CHD2: variants seen among roughly 807,000 people sequenced by gnomAD.
CHD2 encodes ATP-dependent chromatin remodeler CHD2.
Under a neutral mutation model 243.9 loss-of-function variants are expected in CHD2, and 28 were observed. That is an observed-to-expected ratio of 0.11 (90% confidence interval 0.09 to 0.16). CHD2 has a LOEUF of 0.16. Ranked by LOEUF, CHD2 falls within the 10% of genes least tolerant of loss-of-function variation. The pLI, the probability that CHD2 is intolerant of heterozygous loss-of-function variation, is 1.00. For missense variants in CHD2, 1,386 were observed against 2,209.8 expected (o/e 0.63, Z 7.47); for synonymous variants, 775 against 779.0 (o/e 0.99, Z 0.09).
At chr15:92,949,804 A>G (rs2053528336) in intron 13 of CHD2, among the ~76,000 whole-genome samples, 1 of 152,180 alleles carries the variant, frequency 6.6e-6, no homozygotes, top group Admixed American at 6.5e-5. Context: ...CAGCAAGGCA[A>G]TTTTACTTTC....
intron 2 of CHD2, among the ~76,000 whole-genome samples, chr15:92,905,723 G>T (rs1331309788): frequency 6.6e-6 from 1 of 152,170 alleles, no homozygotes; most frequent in East Asian, 1.9e-4. Flanking sequence ...TGCTTTTTCT[G>T]TTACAGAGAA....
Position 92,921,797 on chromosome 15 carries a change from G to T in CHD2, c.63-2524G>T, listed in dbSNP as rs115501615. ...GACACTACTGGTAGATGTCACATAG[G>T]TTGACACAAGTTAAAAGATGACACA... On this transcript the variant is annotated intron_variant, in intron 2 of 38. Coordinates refer to ENST00000394196, the MANE Select transcript of CHD2 (RefSeq NM_001271.4). 5.2e-3 allele frequency among the ~76,000 whole-genome samples: 785 copies of T among 152,288 alleles called. 8 individuals carry two copies. The highest frequency in any genetic ancestry group is 0.018 in the African/African-American group (765 of 41,548).
At chr15:92,912,785 T>C (rs546662674) in intron 2 of CHD2, among the ~76,000 whole-genome samples, 6 of 147,790 alleles carry the variant, frequency 4.1e-5, no homozygotes, top group East Asian at 1.9e-4. Flanking sequence ...CCGCCAACCT[T>C]GTGATCCGCC....
intron 31 of CHD2, among the ~76,000 whole-genome samples, chr15:92,999,634 A>T (rs1301937043): frequency 6.6e-6 from 1 of 152,016 alleles, no homozygotes; most frequent in Admixed American, 6.6e-5. Flanking sequence ...GAGGAAAAAA[A>T]CCCATAATAC....
chr15:92,972,711 C>T lies in CHD2; in HGVS notation c.2505+294C>T, dbSNP rs1439270751. Among the ~76,000 whole-genome samples the T allele has an allele frequency of 1.0e-4, 5 of 49,254 alleles. 2 individuals are homozygous for T. Among genetic ancestry groups the T allele is most frequent in the African/African-American group, 2.2e-4 (5 of 22,992 alleles). The allele number at this position is 49,254 out of a possible 152,430, so 32.3% of individuals were successfully genotyped here. ...CTAAAAATACAAAAAATTAGCCGGG[C>T]GTAGTGGCGGGCGCCTGTAGTCCCA... On this transcript the variant is annotated intron_variant, in intron 19 of 38. Coordinates refer to ENST00000394196, the MANE Select transcript of CHD2 (RefSeq NM_001271.4).
In CHD2 at chr15:92,938,254, A is replaced by G. The variant is rs908824475; in HGVS notation, c.551+629A>G. On this transcript the variant is annotated intron_variant, in intron 6 of 38. Coordinates refer to ENST00000394196, the MANE Select transcript of CHD2 (RefSeq NM_001271.4). ...AACATTTCTAATTTACAGTTTAAGG[A>G]TAGAGAGCACTAAATTTGAACTCCA... 2.0e-5 allele frequency among the ~76,000 whole-genome samples: 3 copies of G among 152,366 alleles called. No individual in the cohort carries two copies. In the East Asian group the frequency reaches 5.8e-4, roughly 29 times the overall value.
In CHD2 at chr15:92,978,598, A is replaced by G. The variant is rs867807535; in HGVS notation, c.2727+215A>G. Among the ~76,000 whole-genome samples the G allele has an allele frequency of 4.2e-4, 64 of 152,366 alleles. No individual in the cohort carries two copies. The Middle Eastern group carries it at 0.01, about 24-fold the overall frequency. On this transcript the variant is annotated intron_variant, in intron 21 of 38. Coordinates refer to ENST00000394196, the MANE Select transcript of CHD2 (RefSeq NM_001271.4). ...TTCTTTTTCTCTGTTTGAAAAGTAC[A>G]ACATCAGCGACCTTCTATGTGTTTA...
rs1440152887 is a variant in CHD2 at position 92,997,893 on chromosome 15, G to C, written c.3885+490G>C. ...TGCAAGTAGCAAGGCCATGGTTGGA[G>C]CTATAAGCAGGGAAGGCTGACTGGC... On this transcript the variant is annotated intron_variant, in intron 30 of 38. Coordinates refer to ENST00000394196, the MANE Select transcript of CHD2 (RefSeq NM_001271.4). The surrounding 1 kb of genome is among the most constrained non-coding windows in gnomAD (Gnocchi z 4.1). 6.4e-6 allele frequency: 1 copy of C among 155,740 alleles called. No individual in the cohort carries two copies. The highest frequency in any genetic ancestry group is 1.4e-5 in the Non-Finnish European group (1 of 70,436). 9.6% of individuals were successfully genotyped at this position (155,740 alleles called of 1,614,324 possible). A position where few individuals can be genotyped will look rare whatever the true frequency, so the allele number is the denominator to read the frequency against.
At chr15:92,931,955 G>A (rs1004409312) in intron 5 of CHD2, among the ~76,000 whole-genome samples, 3 of 149,344 alleles carry the variant, frequency 2.0e-5, no homozygotes, top group Middle Eastern at 3.3e-3. Context: ...CTCCGCCTCC[G>A]GGGTTCAAGC....
chr15:93,025,312 T>TG lies in CHD2; in HGVS notation c.*611dup, dbSNP rs2054578311. The TG allele has an allele frequency of 6.6e-6, 1 of 152,592 alleles. No homozygotes were observed. Among genetic ancestry groups the TG allele is most frequent in the Admixed American group, 6.6e-5 (1 of 15,250 alleles). The allele number at this position is 152,592 out of a possible 1,614,324, so 9.5% of individuals were successfully genotyped here. On this transcript the variant is annotated 3_prime_UTR_variant, in exon 39 of 39. Transcript: ENST00000394196. ...GGCCTCATTATGTGAAACCTGTGGGTGGGGTTGGGGTGGAGAAGTAGAGAG... is the reference window on the plus strand; with the variant it reads ...GGCCTCATTATGTGAAACCTGTGGGTGGGGGTTGGGGTGGAGAAGTAGAGAG...
chr15:92,953,600 G>C, intron 14 of CHD2, 27 bp downstream of exon 14: 1 of 1,592,768 alleles, frequency 6.3e-7, no homozygotes, highest in Non-Finnish European at 8.6e-7. Context: ...AGCTGGGTTA[G>C]AATCTGTGTT....
intron 22 of CHD2, among the ~76,000 whole-genome samples, chr15:92,980,179 G>A (rs956494197): frequency 6.6e-6 from 1 of 150,432 alleles, no homozygotes; most frequent in Non-Finnish European, 1.5e-5. Flanking sequence ...CGAGTAGCTG[G>A]GACTACAGGT....
intron 34 of CHD2, 66 bp from the exon 35 acceptor site, chr15:93,009,079 G>T: frequency 1.3e-6 from 2 of 1,544,376 alleles, no homozygotes; most frequent in Non-Finnish European, 1.8e-6. Flanking sequence ...CGAGAGCACA[G>T]TAAGCAAAGG....
chr15:92,974,822 A>T (rs1405867848), intron 19 of CHD2, 57 bp from the exon 20 acceptor site: 1 of 1,519,078 alleles, frequency 6.6e-7, no homozygotes, highest in Non-Finnish European at 9.1e-7. Context: ...CTGCTGTTCT[A>T]TTCTGAGTGT....
chr15:92,901,283 C>T lies in CHD2; in HGVS notation c.46C>T (p.His16Tyr). 6.2e-7 allele frequency: 1 copy of T among 1,605,480 alleles called. No homozygotes were observed. The highest frequency in any genetic ancestry group is 1.1e-5 in the South Asian group (1 of 90,698). The change falls in exon 2 of 39, where the codon CAC becomes TAC. Residue 16 changes from histidine (H) to tyrosine (Y), a missense_variant. Transcript: ENST00000394196. Reference sequence around the variant, plus strand: ...AAGCCAAGAGGAGGACAGTTCGCTACACAGCAATGCATCGAGGTATGAGCT... The same window carrying T: ...AAGCCAAGAGGAGGACAGTTCGCTATACAGCAATGCATCGAGGTATGAGCT... The part of the protein sequence containing the change: ...DKSQEEDSSL[H>Y]SNASSHSASE...
chr15:92,974,374 A>G (rs2053880597), intron 19 of CHD2, among the ~76,000 whole-genome samples: 2 of 152,240 alleles, frequency 1.3e-5, no homozygotes, highest in African/African-American at 4.8e-5. Flanking sequence ...ATCAATTTTA[A>G]CATTTTCAAT....
intron 2 of CHD2, chr15:92,904,701 A>C: frequency 7.2e-7 from 1 of 1,383,194 alleles, no homozygotes; most frequent in Middle Eastern, 2.3e-4. Context: ...TTTTAAAGGC[A>C]CTATTTGGAA....
intron 18 of CHD2, 72 bp from the exon 19 acceptor site, chr15:92,972,193 G>A (rs1347090468): frequency 8.1e-6 from 12 of 1,484,688 alleles, no homozygotes; most frequent in Non-Finnish European, 1.1e-5. Flanking sequence ...TTAAAATATG[G>A]ATTTGTAGAG....
chr15:92,940,406 C>T (rs1457273074), intron 7 of CHD2, among the ~76,000 whole-genome samples: 1 of 152,040 alleles, frequency 6.6e-6, no homozygotes, highest in African/African-American at 2.4e-5. Context: ...GAGATCACGC[C>T]ACTGCACTCC....
Sources: allele counts gnomAD v4.1 joint callset (sites outside exome capture counted in the v4.1 genomes callset), GRCh38; gene constraint gnomAD v4.1.1; non-coding constraint Gnocchi (gnomAD v3.1); transcripts MANE v1.5; gene names NCBI Gene and HGNC (gene_info 2026-07-23, HGNC 2026-07-21).